Variants in CFAP46 observed in about 807,000 individuals in gnomAD.
CFAP46 encodes the protein cilia and flagella associated protein 46.
CFAP46 carries 245 observed loss-of-function variants against 325.7 expected under a neutral mutation model. The observed-to-expected ratio is 0.75, with a 90% CI of 0.68 to 0.84. The LOEUF (loss-of-function observed/expected upper bound fraction) is 0.84. CFAP46 is among the 40% of genes least tolerant of loss of function. The pLI is 0.00. For missense variants in CFAP46, 3,346 were observed against 3,543.0 expected (o/e 0.94, Z 1.41); for synonymous variants, 1,523 against 1,495.9 (o/e 1.02, Z -0.42).
chr10:132,829,474 C>T (rs575643361), intron 50 of CFAP46, among the ~76,000 whole-genome samples: 2 of 152,316 alleles, frequency 1.3e-5, no homozygotes, highest in African/African-American at 4.8e-5. Flanking sequence ...ACATTTTCTA[C>T]ACAGATGATG....
At chr10:132,809,151 C>G (rs1304889547) in intron 57 of CFAP46, among the ~76,000 whole-genome samples, 4 of 152,212 alleles carry the variant, frequency 2.6e-5, no homozygotes, top group Non-Finnish European at 5.9e-5. Flanking sequence ...CCCACCATCC[C>G]CCTCTACCCC....
At chr10:132,879,709 C>T (rs745561544) in intron 28 of CFAP46, 78 bp from the exon 29 acceptor site, 248 of 1,391,502 alleles carry the variant, frequency 1.8e-4, no homozygotes, top group Non-Finnish European at 2.3e-4. Flanking sequence ...CTTCCCTGCC[C>T]GAGGCTGTGG....
chr10:132,935,410 C>A (rs1226037946), intron 7 of CFAP46, among the ~76,000 whole-genome samples: 2 of 144,122 alleles, frequency 1.4e-5, no homozygotes, highest in Non-Finnish European at 3.0e-5. Context: ...AGCACCCAAA[C>A]ACACTGAGAT....
At position 132,881,046 on chromosome 10, in the gene CFAP46, C is replaced by T; in HGVS notation, c.3628-14G>A. Reference sequence around the variant, plus strand: ...CATCTCAGGCTTCTGTGGGATTGAACAGGAAGGGTGACATCCTCAGGATGG... The same window carrying T: ...CATCTCAGGCTTCTGTGGGATTGAATAGGAAGGGTGACATCCTCAGGATGG... On this transcript the variant is annotated splice_polypyrimidine_tract_variant and intron_variant, in intron 27 of 57. Transcript: ENST00000368586. The T allele has an allele frequency of 6.5e-7, 1 of 1,549,942 alleles. No individual in the cohort carries two copies. The highest frequency in any genetic ancestry group is 8.7e-7 in the Non-Finnish European group (1 of 1,146,630).
chr10:132,836,207 T>C lies in CFAP46; in HGVS notation c.6548A>G (p.Tyr2183Cys), dbSNP rs1403884499. 2.5e-6 allele frequency: 4 copies of C among 1,610,954 alleles called. No homozygotes were observed. The highest frequency in any genetic ancestry group is 3.4e-6 in the Non-Finnish European group (4 of 1,179,528). The change falls in exon 46 of 58, where the codon TAC becomes TGC. Residue 2183 changes from tyrosine (Y) to cysteine (C), a missense_variant. Coordinates refer to ENST00000368586, the MANE Select transcript of CFAP46 (RefSeq NM_001200049.3). ...CTTGGGTTTCTCGTAGGCAGCGCCG[T>C]ACAGACGGGACCTGCTGGCAGGACG... ...LHLSGDRSRL[Y>C]GAAYEKPKFI...
chr10:132,909,036 G>A (rs944533723), intron 21 of CFAP46, 101 bp downstream of exon 21: 45 of 789,874 alleles, frequency 5.7e-5, no homozygotes, highest in Non-Finnish European at 8.7e-5. Context: ...GAGTGGGGGT[G>A]AGCATGCACG....
chr10:132,826,472 T>A (rs879005387), intron 50 of CFAP46, among the ~76,000 whole-genome samples: 322 of 22,892 alleles, frequency 0.014, no homozygotes, highest in Admixed American at 0.017. Flanking sequence ...CACAGAGACC[T>A]GCCACAGAGC....
Position 132,877,053 on chromosome 10 carries a change from G to T in CFAP46, c.4213-92C>A. ...ACCGGCATGGCTGTGCAGCATTCAG[G>T]CCACAGCCCTGGGCAGCCGGCATCC... On this transcript the variant is annotated intron_variant, in intron 30 of 57. Transcript: ENST00000368586. The surrounding 1 kb of genome is among the most constrained non-coding windows in gnomAD (Gnocchi z 5.7). 1 of 1,349,536 alleles carries T rather than the reference G, an allele frequency of 7.4e-7. No individual in the cohort carries two copies. The highest frequency in any genetic ancestry group is 1.5e-5 in the African/African-American group (1 of 68,616). The allele number at this position is 1,349,536 out of a possible 1,614,324, so 83.6% of individuals were successfully genotyped here.
intron 44 of CFAP46, among the ~76,000 whole-genome samples, chr10:132,840,233 T>C (rs978340233): frequency 1.3e-5 from 2 of 152,232 alleles, no homozygotes; most frequent in African/African-American, 4.8e-5. Flanking sequence ...GAGTCCGGTG[T>C]TGCCTGTATT....
At position 132,886,515 on chromosome 10, in the gene CFAP46, C is replaced by T. The variant is rs944687182; in HGVS notation, c.3305-556G>A. 6.6e-6 allele frequency among the ~76,000 whole-genome samples: 1 copy of T among 152,180 alleles called. No homozygotes were observed. The highest frequency in any genetic ancestry group is 2.4e-5 in the African/African-American group (1 of 41,446). ...CCGGGAGGTGAGCCCCACCCAGCCT[C>T]CATAGGGCGCCCTGTGGGCCATCAG... On this transcript the variant is annotated intron_variant, in intron 25 of 57. Transcript: ENST00000368586. The surrounding 1 kb of genome is among the most constrained non-coding windows in gnomAD (Gnocchi z 5.8).
Position 132,847,448 on chromosome 10 carries a change from G to A in CFAP46, c.5953-127C>T, listed in dbSNP as rs1217430315. The stretch of plus-strand genomic sequence containing the variant: ...GGGTCCCCGGGTAGGGGGTACCGCA[G>A]GCCACAGCATGGCCTCTCACTATCC... On this transcript the variant is annotated intron_variant, in intron 41 of 57. Coordinates refer to ENST00000368586, the MANE Select transcript of CFAP46 (RefSeq NM_001200049.3). This position sits in a 1 kb window ranked among gnomAD's most constrained non-coding sequence, Gnocchi z 5.2. The A allele has an allele frequency of 6.4e-6, 7 of 1,089,266 alleles. No individual in the cohort carries two copies. Among genetic ancestry groups the A allele is most frequent in the South Asian group, 1.4e-5 (1 of 70,910 alleles). 67.5% of individuals were successfully genotyped at this position (1,089,266 alleles called of 1,614,324 possible). A position where few individuals can be genotyped will look rare whatever the true frequency, so the allele number is the denominator to read the frequency against.
intron 41 of CFAP46, among the ~76,000 whole-genome samples, chr10:132,849,368 A>G (rs1377108040): frequency 6.6e-6 from 1 of 152,200 alleles, no homozygotes; most frequent in Non-Finnish European, 1.5e-5. Flanking sequence ...CCAGGGCTGC[A>G]CGGCACCTGG....
rs368227118 is a variant in CFAP46 at position 132,858,871 on chromosome 10, G to C, written c.5375+200C>G. ...GGAGGCCCTGTCAGGGGCAACGGGG[G>C]CTCCCCCGACGGGGAGGGCTGGGCA... On this transcript the variant is annotated intron_variant, in intron 38 of 57. Coordinates refer to ENST00000368586, the MANE Select transcript of CFAP46 (RefSeq NM_001200049.3). Among the ~76,000 whole-genome samples, 5 of 152,140 alleles carry C rather than the reference G, an allele frequency of 3.3e-5. No homozygotes were observed. The East Asian group carries it at 5.8e-4, about 18-fold the overall frequency.
chr10:132,935,619 A>C (rs1591101137), intron 7 of CFAP46, among the ~76,000 whole-genome samples: 1 of 136,894 alleles, frequency 7.3e-6, no homozygotes, highest in Admixed American at 7.1e-5. Context: ...TCCCCTCGGC[A>C]CCCAAACACA....
intron 41 of CFAP46, among the ~76,000 whole-genome samples, chr10:132,849,558 G>A (rs1472174633): frequency 6.6e-6 from 1 of 152,218 alleles, no homozygotes; most frequent in African/African-American, 2.4e-5. Flanking sequence ...CTGGGGCCTT[G>A]CGTGGCTTGT....
At chr10:132,898,312 G>A (rs1422377233) in intron 24 of CFAP46, among the ~76,000 whole-genome samples, 1 of 152,212 alleles carries the variant, frequency 6.6e-6, no homozygotes, top group East Asian at 1.9e-4. Context: ...CCACAAGGCT[G>A]AGGCTTGTCC....
chr10:132,836,790 G>A (rs376876739), intron 45 of CFAP46, 27 bp downstream of exon 45: 438 of 1,590,050 alleles, frequency 2.8e-4, no homozygotes, highest in Admixed American at 2.5e-3. Context: ...GGCTGGGGGC[G>A]GCCTCAACAA....
intron 25 of CFAP46, among the ~76,000 whole-genome samples, chr10:132,888,826 ACCTGCCACCTTCACCCCTGCCG>A (rs1353269500): frequency 4.0e-5 from 2 of 49,902 alleles, no homozygotes; most frequent in African/African-American, 1.5e-4. Flanking sequence ...TGCCGCCTGC[ACCTGCCACCTTCACCCCTGCCG>A]CCTGCACCTG....
chr10:132,850,319 G>A lies in CFAP46; in HGVS notation c.5877C>T (p.Ala1959=), dbSNP rs369370126. 2.4e-5 allele frequency: 38 copies of A among 1,551,838 alleles called. No individual in the cohort carries two copies. The highest frequency in any genetic ancestry group is 5.9e-5 in the South Asian group (5 of 84,182). ...VEIRARLLGL[A]GRALHLLAMQ... ...TGGCCAGCAGGTGCAGGGCCCTCCC[G>A]GCCAGGCCCAGGAGCCGGGCGCGGA... Residue 1959 remains alanine (A), a synonymous_variant, in exon 41 of 58, where the codon GCC becomes GCT. Coordinates refer to ENST00000368586, the MANE Select transcript of CFAP46 (RefSeq NM_001200049.3).
Sources: gnomAD v4.1 joint callset for allele counts (sites outside exome capture counted in the v4.1 genomes callset) on GRCh38, gnomAD v4.1.1 for gene constraint, Gnocchi (gnomAD v3.1) non-coding constraint, MANE v1.5 for transcripts, NCBI Gene and HGNC (gene_info 2026-07-23, HGNC 2026-07-21) for gene names.